Variants in CYTH3 observed in about 807,000 individuals in gnomAD.
The protein encoded by CYTH3 is cytohesin 3.
A neutral mutation model predicts 55.1 loss-of-function variants in CYTH3; 23 were observed. That is an observed-to-expected ratio of 0.42 (90% confidence interval 0.30 to 0.59). The LOEUF is 0.59. Among genes scored for constraint, CYTH3 ranks in the 20% least tolerant of loss-of-function variants. The probability of loss-of-function intolerance (pLI) is 0.20; values close to 1 mark genes in which losing one functional copy is unlikely to be tolerated. For synonymous variants in CYTH3, 249 were observed against 194.9 expected, an observed-to-expected ratio of 1.28 and a Z score of -2.31; for missense variants, 413 against 524.8, an observed-to-expected ratio of 0.79 and a Z score of 2.08.
intron 1 of CYTH3, among the ~76,000 whole-genome samples, chr7:6,264,400 T>C (rs1304926286): frequency 1.3e-5 from 2 of 152,146 alleles, no homozygotes; most frequent in Non-Finnish European, 2.9e-5. Flanking sequence ...TCATTTGCGG[T>C]CAGGAGTTCG....
At position 6,169,065 on chromosome 7, in the gene CYTH3, A is replaced by G. The variant is rs1443646336; in HGVS notation, c.823+1470T>C. On this transcript the variant is annotated intron_variant, in intron 9 of 12. Transcript: ENST00000350796. This position sits in a 1 kb window ranked among gnomAD's most constrained non-coding sequence, Gnocchi z 4.1. ...ACCATGGTACTAGGTTTTCAGGCAA[A>G]TATCTACAACTCCCCTAAACCTCGG... 1.3e-5 allele frequency among the ~76,000 whole-genome samples: 2 copies of G among 152,174 alleles called. No homozygotes were observed. The highest frequency in any genetic ancestry group is 4.8e-5 in the African/African-American group (2 of 41,450).
intron 1 of CYTH3, among the ~76,000 whole-genome samples, chr7:6,223,908 G>T (rs1444500989): frequency 6.9e-6 from 1 of 144,962 alleles, no homozygotes; most frequent in Admixed American, 7.0e-5. Context: ...CTCCAGAATT[G>T]CAAGACAGAT....
At chr7:6,194,036 A>G (rs1294726669) in intron 1 of CYTH3, among the ~76,000 whole-genome samples, 1 of 152,168 alleles carries the variant, frequency 6.6e-6, no homozygotes, top group African/African-American at 2.4e-5. Context: ...GTACACCCAC[A>G]TCACCCTACA....
At chr7:6,232,743 A>T (rs911265041) in intron 1 of CYTH3, among the ~76,000 whole-genome samples, 1 of 152,162 alleles carries the variant, frequency 6.6e-6, no homozygotes, top group African/African-American at 2.4e-5. Context: ...TCCCTCGTCT[A>T]CGGTCAGTTT....
intron 1 of CYTH3, among the ~76,000 whole-genome samples, chr7:6,240,028 G>A (rs1219213511): frequency 2.0e-5 from 3 of 152,186 alleles, no homozygotes; most frequent in African/African-American, 7.2e-5. Flanking sequence ...ATTAGAGGCT[G>A]GGTGCAGTGG....
At chr7:6,262,990 T>A (rs1043271716) in intron 1 of CYTH3, among the ~76,000 whole-genome samples, 1 of 151,954 alleles carries the variant, frequency 6.6e-6, no homozygotes, top group African/African-American at 2.4e-5. Flanking sequence ...CTCACAATAG[T>A]TTTTTCCCCT....
intron 1 of CYTH3, among the ~76,000 whole-genome samples, chr7:6,259,822 ATATATATATATT>A (rs1562418203): frequency 0.013 from 329 of 26,146 alleles, 7 homozygotes; most frequent in Non-Finnish European, 0.015. Context: ...TAATATATAT[ATATATATATATT>A]TTTTTTTTTT....
intron 1 of CYTH3, among the ~76,000 whole-genome samples, chr7:6,245,458 C>T (rs1208415622): frequency 6.6e-6 from 1 of 152,178 alleles, no homozygotes; most frequent in African/African-American, 2.4e-5. Context: ...CTTTCTTTTT[C>T]ATCCCAGCCT....
At position 6,165,359 on chromosome 7, in the gene CYTH3, G is replaced by A. The variant is rs199616562; in HGVS notation, c.1041C>T (p.Asp347=). ...CATGGTTCCCCTCTACCACGCGGCC[G>A]TCGGCCTCAGTCTTACAGGCCTTGA... ...QVIKACKTEA[D]GRVVEGNHVV... The change falls in exon 12 of 13, where the codon GAC becomes GAT. Residue 347 remains aspartate (D), a synonymous_variant. Transcript: ENST00000350796. The A allele has an allele frequency of 3.8e-5, 62 of 1,614,152 alleles. No individual in the cohort carries two copies. The Middle Eastern group carries it at 4.9e-4, about 13-fold the overall frequency.
At chr7:6,165,218 CCCTCCAA>C in intron 12 of CYTH3, 48 bp downstream of exon 12, 1 of 1,578,768 alleles carries the variant, frequency 6.3e-7, no homozygotes, top group South Asian at 1.2e-5. Flanking sequence ...CCATCCCCCG[CCCTCCAA>C]CCGGCACGAG....
intron 6 of CYTH3, chr7:6,173,044 T>C (rs1783244226): frequency 9.3e-7 from 1 of 1,074,494 alleles, no homozygotes; most frequent in Non-Finnish European, 1.1e-6. Context: ...CCAGAAGCCC[T>C]GCCTCCTCTC....
intron 1 of CYTH3, among the ~76,000 whole-genome samples, chr7:6,259,817 TATATATATATA>T (rs1562418144): frequency 3.8e-5 from 1 of 26,120 alleles, no homozygotes; most frequent in Non-Finnish European, 5.4e-5. Context: ...ATATATAATA[TATATATATATA>T]TATATTTTTT....
chr7:6,208,470 C>T (rs1784247963), intron 1 of CYTH3, among the ~76,000 whole-genome samples: 1 of 152,212 alleles, frequency 6.6e-6, no homozygotes, highest in South Asian at 2.1e-4. Context: ...AACCTAAGGG[C>T]CAAGGACATA....
rs558117461 is a variant in CYTH3 at position 6,233,172 on chromosome 7, C to T, written c.34+39302G>A. 2.6e-5 allele frequency among the ~76,000 whole-genome samples: 4 copies of T among 152,278 alleles called. 1 individual carries two copies. The East Asian group carries it at 7.7e-4, about 29-fold the overall frequency. On this transcript the variant is annotated intron_variant, in intron 1 of 12. Coordinates refer to ENST00000350796, the MANE Select transcript of CYTH3 (RefSeq NM_004227.4). The stretch of plus-strand genomic sequence containing the variant: ...CAACTTTAGTGATCACCTAGGTTTT[C>T]AGCACACCAGTATACTCAATGCCAG...
intron 1 of CYTH3, among the ~76,000 whole-genome samples, chr7:6,195,557 C>T (rs1039285130): frequency 6.6e-6 from 1 of 152,072 alleles, no homozygotes; most frequent in African/African-American, 2.4e-5. Context: ...CAGGTTCAAG[C>T]AATTCTCCTG....
At chr7:6,265,635 A>G (rs1780473869) in intron 1 of CYTH3, among the ~76,000 whole-genome samples, 1 of 147,654 alleles carries the variant, frequency 6.8e-6, no homozygotes, top group African/African-American at 2.6e-5. Flanking sequence ...AAAAAAAAAA[A>G]GAAGAAGAAG....
rs1347583472 is a variant in CYTH3, at chr7:6,190,472, T to G, written c.94A>C (p.Lys32Gln). Residue 32 changes from lysine (K) to glutamine (Q), a missense_variant, in exon 2 of 13, where the codon AAG becomes CAG. Around this residue, in one of 4 missense-constraint regions of CYTH3, gnomAD observed 152 missense variants for 148.1 expected, o/e 1.03. Transcript: ENST00000350796. The part of the protein sequence containing the change: ...EELLDIRRRK[K>Q]ELIDDIERLK... ...ACCTCAATGTCATCAATAAGTTCCT[T>G]TTTTCTTCGACGAATGTCTAGAAGT... The G allele has an allele frequency of 2.0e-6, 3 of 1,519,990 alleles. No individual in the cohort carries two copies. The highest frequency in any genetic ancestry group is 2.6e-6 in the Non-Finnish European group (3 of 1,141,722). 94.2% of individuals were successfully genotyped at this position (1,519,990 alleles called of 1,614,324 possible).
chr7:6,265,462 A>G (rs1480259462), intron 1 of CYTH3, among the ~76,000 whole-genome samples: 2 of 151,494 alleles, frequency 1.3e-5, no homozygotes. Context: ...AAAAAAAATT[A>G]CAAAAAATTA....
chr7:6,226,057 C>T (rs533648615), intron 1 of CYTH3, among the ~76,000 whole-genome samples: 91 of 152,276 alleles, frequency 6.0e-4, no homozygotes, highest in South Asian at 1.2e-3. Context: ...AAACATTCAT[C>T]CCTAGGTGGC....
Sources: gnomAD v4.1 joint callset for allele counts (sites outside exome capture counted in the v4.1 genomes callset) on GRCh38, gnomAD v4.1.1 for gene constraint, gnomAD v4.1.1 regional missense constraint, Gnocchi (gnomAD v3.1) non-coding constraint, MANE v1.5 for transcripts, NCBI Gene and HGNC (gene_info 2026-07-23, HGNC 2026-07-21) for gene names.